The following C1orf21 variants were observed in gnomAD, a reference collection of about 807,000 sequenced individuals.
C1orf21 encodes the protein chromosome 1 open reading frame 21.
Under a neutral mutation model 18.7 loss-of-function variants are expected in C1orf21, and 3 were observed. The observed-to-expected ratio is 0.16, with a 90% confidence interval of 0.07 to 0.42. The LOEUF (loss-of-function observed/expected upper bound fraction) is 0.42, where lower values mean the gene tolerates loss of function less well. Among genes scored for constraint, C1orf21 ranks in the 10% least tolerant of loss-of-function variants. The pLI is 0.99. For missense variants in C1orf21, 104 were observed against 143.6 expected (o/e 0.72, Z 1.41); for synonymous variants, 41 against 46.4 (o/e 0.88, Z 0.47).
chr1:184,447,304 AT>A (rs1315754604), intron 1 of C1orf21, among the ~76,000 whole-genome samples: 1 of 152,200 alleles, frequency 6.6e-6, no homozygotes, highest in Non-Finnish European at 1.5e-5. Context: ...GCAAATGTGC[AT>A]TTTTTAGTTG....
At chr1:184,398,085 G>T (rs1656091063) in intron 1 of C1orf21, among the ~76,000 whole-genome samples, 1 of 152,274 alleles carries the variant, frequency 6.6e-6, no homozygotes, top group Non-Finnish European at 1.5e-5. Context: ...GTGGGCTATG[G>T]ATTCAGCGGA....
chr1:184,536,869 T>C (rs531137462), intron 3 of C1orf21, among the ~76,000 whole-genome samples: 1 of 151,952 alleles, frequency 6.6e-6, no homozygotes, highest in South Asian at 2.1e-4. Flanking sequence ...AAAGATTACT[T>C]TCCCTAAAAA....
chr1:184,426,381 G>A (rs1032515215), intron 1 of C1orf21, among the ~76,000 whole-genome samples: 7 of 152,090 alleles, frequency 4.6e-5, no homozygotes, highest in South Asian at 2.1e-4. Context: ...TAAAGAGCCC[G>A]TCTGATTACA....
chr1:184,468,970 C>T (rs1294996854), intron 1 of C1orf21, among the ~76,000 whole-genome samples: 1 of 152,008 alleles, frequency 6.6e-6, no homozygotes, highest in Non-Finnish European at 1.5e-5. Flanking sequence ...CTTGGTGGCT[C>T]ATGCCTGTAG....
chr1:184,446,790 A>G (rs1657036310), intron 1 of C1orf21, among the ~76,000 whole-genome samples: 1 of 150,950 alleles, frequency 6.6e-6, no homozygotes. Context: ...TGATGATTTT[A>G]AGGACTTATT....
chr1:184,563,519 C>A (rs896907810), intron 3 of C1orf21, among the ~76,000 whole-genome samples: 10 of 152,182 alleles, frequency 6.6e-5, no homozygotes, highest in African/African-American at 1.7e-4. Context: ...CCCTAGCATA[C>A]ATAATTTCAG....
intron 3 of C1orf21, among the ~76,000 whole-genome samples, chr1:184,586,614 G>GT (rs1176081239): frequency 1.3e-5 from 2 of 152,002 alleles, no homozygotes; most frequent in African/African-American, 2.4e-5. Flanking sequence ...TTGTTTGGGG[G>GT]TTTTTTTCTT....
chr1:184,511,164 T>G (rs1394616645), intron 3 of C1orf21, among the ~76,000 whole-genome samples: 1 of 152,196 alleles, frequency 6.6e-6, no homozygotes, highest in Non-Finnish European at 1.5e-5. Context: ...CATTCATTCT[T>G]TATTTATTCC....
intron 2 of C1orf21, among the ~76,000 whole-genome samples, chr1:184,483,201 G>A (rs1313663029): frequency 6.6e-6 from 1 of 152,202 alleles, no homozygotes; most frequent in African/African-American, 2.4e-5. Context: ...ATAGTGGTCA[G>A]CAGATCTGCT....
intron 1 of C1orf21, among the ~76,000 whole-genome samples, chr1:184,390,052 G>A (rs1026154507): frequency 2.0e-5 from 3 of 152,206 alleles, no homozygotes; most frequent in Non-Finnish European, 2.9e-5. Context: ...AAGGGTAATC[G>A]TACAGTAATT....
intron 3 of C1orf21, among the ~76,000 whole-genome samples, chr1:184,548,704 A>T (rs12039742): frequency 0.17 from 25,799 of 152,136 alleles, 2,496 homozygotes; most frequent in East Asian, 0.31. Context: ...TTTGATTTGG[A>T]CAAATTTGCA....
chr1:184,508,668 A>G (rs1369728802), intron 3 of C1orf21, among the ~76,000 whole-genome samples: 2 of 152,202 alleles, frequency 1.3e-5, no homozygotes, highest in Non-Finnish European at 2.9e-5. Context: ...TTTTCTGAAT[A>G]TATGATCTAT....
chr1:184,512,086 T>C (rs1164142374), intron 3 of C1orf21, among the ~76,000 whole-genome samples: 1 of 152,192 alleles, frequency 6.6e-6, no homozygotes, highest in Non-Finnish European at 1.5e-5. Context: ...CAAGGTCTAC[T>C]TCAAGGCCCT....
intron 1 of C1orf21, among the ~76,000 whole-genome samples, chr1:184,413,634 G>A (rs918871697): frequency 3.9e-5 from 6 of 152,208 alleles, no homozygotes; most frequent in African/African-American, 1.4e-4. Context: ...CATTGAGTCT[G>A]TAGATACAGC....
intron 2 of C1orf21, among the ~76,000 whole-genome samples, chr1:184,492,746 C>G (rs1657834091): frequency 6.6e-6 from 1 of 152,146 alleles, no homozygotes; most frequent in Non-Finnish European, 1.5e-5. Flanking sequence ...GCAGCTGCTG[C>G]TAGTCAGTGA....
rs146068982 is a variant in C1orf21 at position 184,511,150 on chromosome 1, C to T, written c.189+3468C>T. Among the ~76,000 whole-genome samples the T allele has an allele frequency of 6.7e-4, 102 of 152,180 alleles. No homozygotes were observed. In the East Asian group the frequency reaches 0.013, roughly 19 times the overall value. On this transcript the variant is annotated intron_variant, in intron 3 of 5. Transcript: ENST00000235307. ...GTGTTTGAGGAAAATATAAGGTATC[C>T]ATCCATTCATTCTTTATTTATTCCT...
intron 3 of C1orf21, among the ~76,000 whole-genome samples, chr1:184,579,209 T>G (rs922032915): frequency 2.1e-4 from 31 of 149,806 alleles, no homozygotes; most frequent in African/African-American, 7.3e-4. Flanking sequence ...GGCTAATTTT[T>G]TTTTTTTTTT....
intron 3 of C1orf21, among the ~76,000 whole-genome samples, chr1:184,530,600 C>CTTTTTTTT (rs1184327589): frequency 7.6e-4 from 85 of 111,416 alleles, no homozygotes; most frequent in Non-Finnish European, 1.1e-3. Flanking sequence ...TTTCTTTTTT[C>CTTTTTTTT]TTTTTTTTTT....
intron 3 of C1orf21, among the ~76,000 whole-genome samples, chr1:184,549,352 G>A (rs1658779370): frequency 6.6e-6 from 1 of 152,096 alleles, no homozygotes; most frequent in African/African-American, 2.4e-5. Flanking sequence ...AATTAATGAA[G>A]TAGAATCATT....
Sources: allele counts gnomAD v4.1 joint callset (sites outside exome capture counted in the v4.1 genomes callset), GRCh38; gene constraint gnomAD v4.1.1; transcripts MANE v1.5; gene names NCBI Gene and HGNC (gene_info 2026-07-23, HGNC 2026-07-21).